Variants in GAREM1 observed in about 807,000 individuals in gnomAD.
The protein encoded by GAREM1 is GRB2-associated and regulator of MAPK protein 1.
GAREM1 carries 26 observed loss-of-function variants against 71.3 expected under a neutral mutation model. The observed-to-expected ratio is 0.36, with a 90% CI of 0.27 to 0.51. The LOEUF is 0.51. GAREM1 is among the 20% of genes least tolerant of loss of function. The pLI is 0.95. For synonymous variants in GAREM1, 440 were observed against 433.2 expected, an observed-to-expected ratio of 1.02 and a Z score of -0.20; for missense variants, 1,026 against 1,103.1, an observed-to-expected ratio of 0.93 and a Z score of 0.99.
intron 3 of GAREM1, among the ~76,000 whole-genome samples, chr18:32,299,761 G>GT: frequency 6.6e-6 from 1 of 152,126 alleles, no homozygotes; most frequent in East Asian, 1.9e-4. Context: ...TCCATTAAAC[G>GT]TGATTGCCAA....
chr18:32,397,937 A>G (rs1475787437), intron 1 of GAREM1, among the ~76,000 whole-genome samples: 7 of 152,208 alleles, frequency 4.6e-5, no homozygotes, highest in Non-Finnish European at 7.3e-5. Context: ...CAGCAAATGT[A>G]AAAGAACAGA....
intron 1 of GAREM1, among the ~76,000 whole-genome samples, chr18:32,400,814 T>C (rs1369449621): frequency 2.0e-5 from 3 of 152,190 alleles, no homozygotes; most frequent in African/African-American, 7.2e-5. Context: ...CCCAGCCATC[T>C]CATTACTGGG....
In GAREM1 at chr18:32,315,441, A is replaced by T. The variant is rs544418362; in HGVS notation, c.263-5118T>A. On this transcript the variant is annotated intron_variant, in intron 2 of 5. Coordinates refer to ENST00000269209, the MANE Select transcript of GAREM1 (RefSeq NM_001242409.2). ...AATATATATAAAGTATATATAAAAA[A>T]ATATATATAAAAGTATATATATAAA... 1.0e-3 allele frequency among the ~76,000 whole-genome samples: 144 copies of T among 143,342 alleles called. 2 individuals carry two copies. Among genetic ancestry groups the T allele is most frequent in the East Asian group, 1.8e-3 (9 of 5,118 alleles). 94.0% of individuals were successfully genotyped at this position (143,342 alleles called of 152,430 possible).
intron 4 of GAREM1, among the ~76,000 whole-genome samples, chr18:32,278,651 C>A (rs2041574029): frequency 6.6e-6 from 1 of 152,172 alleles, no homozygotes. Flanking sequence ...TTCCCACACT[C>A]CCAGATAACA....
At chr18:32,269,083 G>A (rs1253293426) in intron 5 of GAREM1, among the ~76,000 whole-genome samples, 1 of 152,192 alleles carries the variant, frequency 6.6e-6, no homozygotes, top group Non-Finnish European at 1.5e-5. Flanking sequence ...TGTAGGCTCT[G>A]CACCAACAGG....
chr18:32,360,098 A>G (rs2047851423), intron 2 of GAREM1, among the ~76,000 whole-genome samples: 1 of 151,332 alleles, frequency 6.6e-6, no homozygotes, highest in Non-Finnish European at 1.5e-5. Context: ...TTCCTATCTT[A>G]CCTTTTCTCC....
chr18:32,364,028 G>GTTTTTTTTTTTTTTTTTTTTTTTTT (rs1157200391), intron 2 of GAREM1, among the ~76,000 whole-genome samples: 3 of 21,672 alleles, frequency 1.4e-4, no homozygotes, highest in African/African-American at 5.3e-4. Flanking sequence ...ATATATATAT[G>GTTTTTTTTTTTTTTTTTTTTTTTTT]TTTTTTTTTT....
intron 1 of GAREM1, among the ~76,000 whole-genome samples, chr18:32,430,752 C>T (rs920862294): frequency 6.6e-6 from 1 of 152,182 alleles, no homozygotes; most frequent in Non-Finnish European, 1.5e-5. Context: ...AAACCCTGAA[C>T]GAGGAGAATC....
intron 1 of GAREM1, among the ~76,000 whole-genome samples, chr18:32,433,116 T>A (rs968763399): frequency 6.6e-6 from 1 of 151,848 alleles, no homozygotes; most frequent in Admixed American, 6.6e-5. Flanking sequence ...AATGGTTCAA[T>A]TGAAAATCGG....
intron 1 of GAREM1, among the ~76,000 whole-genome samples, chr18:32,468,556 C>T (rs1379364481): frequency 1.3e-5 from 2 of 152,318 alleles, no homozygotes; most frequent in South Asian, 2.1e-4. Flanking sequence ...TTGCTACCCA[C>T]GTCCTCATTT....
rs200881861 is a variant in GAREM1 at position 32,268,509 on chromosome 18, A to C, written c.1993T>G (p.Cys665Gly). 40 of 1,614,164 alleles carry C rather than the reference A, an allele frequency of 2.5e-5. No homozygotes were observed. In the East Asian group the frequency reaches 8.5e-4, roughly 34 times the overall value. The change falls in exon 6 of 6, where the codon TGC becomes GGC. Residue 665 changes from cysteine (C) to glycine (G), a missense_variant. Transcript: ENST00000269209. ...QKTPGTPKRN[C>G]PAPFDFDGCE... ...CCATCAAAATCAAAAGGTGCTGGGC[A>C]GTTTCTCTTTGGTGTGCCTGGCGTC...
intron 2 of GAREM1, among the ~76,000 whole-genome samples, chr18:32,326,996 G>A (rs1393342825): frequency 6.6e-6 from 1 of 152,130 alleles, no homozygotes; most frequent in East Asian, 1.9e-4. Context: ...ACTTTGTCAG[G>A]GAACAGAGAT....
At chr18:32,354,572 C>T (rs757197360) in intron 2 of GAREM1, among the ~76,000 whole-genome samples, 2 of 152,134 alleles carry the variant, frequency 1.3e-5, no homozygotes, top group African/African-American at 4.8e-5. Context: ...AAGCTACAAT[C>T]CCCCTCTCTA....
chr18:32,419,590 G>A (rs2048501262), intron 1 of GAREM1, among the ~76,000 whole-genome samples: 1 of 152,132 alleles, frequency 6.6e-6, no homozygotes, highest in Non-Finnish European at 1.5e-5. Context: ...ATAAATTTCT[G>A]TTGTTTATAA....
intron 2 of GAREM1, among the ~76,000 whole-genome samples, chr18:32,331,890 C>T (rs1441686690): frequency 6.6e-6 from 1 of 151,864 alleles, no homozygotes; most frequent in African/African-American, 2.4e-5. Context: ...GCAGGCAGAG[C>T]CATGGGTGGG....
chr18:32,320,950 A>C (rs2047422526), intron 2 of GAREM1, among the ~76,000 whole-genome samples: 1 of 152,170 alleles, frequency 6.6e-6, no homozygotes. Context: ...AAATCTCGGC[A>C]CTTCTTTCCT....
intron 3 of GAREM1, among the ~76,000 whole-genome samples, chr18:32,295,134 G>A (rs774994771): frequency 2.9e-4 from 44 of 151,808 alleles, no homozygotes; most frequent in Non-Finnish European, 5.9e-4. Context: ...GCATGATCTC[G>A]GCTCGCTGCA....
chr18:32,329,721 A>AAT (rs1009947287), intron 2 of GAREM1, among the ~76,000 whole-genome samples: 7 of 151,344 alleles, frequency 4.6e-5, no homozygotes, highest in African/African-American at 1.7e-4. Context: ...AAAAAAAAAA[A>AAT]AAAAGATTGA....
intron 1 of GAREM1, among the ~76,000 whole-genome samples, chr18:32,441,715 A>G (rs1431218700): frequency 1.3e-5 from 2 of 152,140 alleles, no homozygotes; most frequent in Non-Finnish European, 2.9e-5. Context: ...CCTTCTTCGG[A>G]CACAAGCCAA....
Sources: allele counts gnomAD v4.1 joint callset (sites outside exome capture counted in the v4.1 genomes callset), GRCh38; gene constraint gnomAD v4.1.1; transcripts MANE v1.5; gene names NCBI Gene and HGNC (gene_info 2026-07-23, HGNC 2026-07-21).